The following RBFOX1 variants were observed in gnomAD, a reference collection of about 807,000 sequenced individuals.
RBFOX1 encodes RNA binding protein fox-1 homolog 1.
RBFOX1 carries 8 observed loss-of-function variants against 57.7 expected under a neutral mutation model. The observed-to-expected ratio is 0.14, with a 90% confidence interval of 0.08 to 0.25. The LOEUF is 0.25. RBFOX1 is among the 10% of genes least tolerant of loss of function. The pLI, the probability that RBFOX1 is intolerant of heterozygous loss-of-function variation, is 1.00. For missense variants in RBFOX1, 611 were observed against 548.5 expected (o/e 1.11, Z -1.14); for synonymous variants, 326 against 222.4 (o/e 1.47, Z -4.15).
chr16:7,510,284 A>G lies in RBFOX1; in HGVS notation c.28-7863A>G, dbSNP rs145205193. On this transcript the variant is annotated intron_variant, in intron 4 of 15. Transcript: ENST00000550418. ...ACAAGAACAGCTGCTAAGTTTATGG[A>G]GGAGAAAGGAAGCAGGATGGTGCAG... 1,092 of 985,860 alleles carry G rather than the reference A, an allele frequency of 1.1e-3. 2 individuals are homozygous for G. Among genetic ancestry groups the G allele is most frequent in the Middle Eastern group, 8.4e-3 (16 of 1,916 alleles). 61.1% of individuals were successfully genotyped at this position (985,860 alleles called of 1,614,324 possible).
At chr16:7,130,756 A>G (rs541637453) in intron 4 of RBFOX1, among the ~76,000 whole-genome samples, 92 of 152,292 alleles carry the variant, frequency 6.0e-4, no homozygotes, top group African/African-American at 2.1e-3. Context: ...TGCCTTTAAT[A>G]TCGTGCTTAA....
chr16:6,840,131 T>G (rs2093376953), intron 3 of RBFOX1, among the ~76,000 whole-genome samples: 1 of 152,190 alleles, frequency 6.6e-6, no homozygotes, highest in Non-Finnish European at 1.5e-5. Flanking sequence ...GGTGAGTTTA[T>G]TTTTTCATGG....
intron 3 of RBFOX1, among the ~76,000 whole-genome samples, chr16:5,705,275 A>G (rs1352260456): frequency 6.6e-6 from 1 of 151,866 alleles, no homozygotes; most frequent in African/African-American, 2.4e-5. Flanking sequence ...TTATTTTTTT[A>G]GTTTTAGACA....
At chr16:5,360,851 A>G (rs959518803) in intron 1 of RBFOX1, among the ~76,000 whole-genome samples, 2 of 152,168 alleles carry the variant, frequency 1.3e-5, no homozygotes, top group African/African-American at 2.4e-5. Context: ...TGAGGAGAGT[A>G]TGACTGACTG....
intron 2 of RBFOX1, among the ~76,000 whole-genome samples, chr16:5,585,834 G>A (rs545500391): frequency 2.6e-5 from 4 of 152,352 alleles, no homozygotes. Context: ...TTCGTGTGAA[G>A]TAGAACAAAA....
At position 7,188,045 on chromosome 16, in the gene RBFOX1, T is replaced by C. The variant is rs2084366014; in HGVS notation, c.27+135947T>C. ...TAGTGAGATTATAGGCCATTTTTAT[T>C]TCATTTTAACTTTTCTCTGTTTCTC... On this transcript the variant is annotated intron_variant, in intron 4 of 15. Coordinates refer to ENST00000550418, the MANE Select transcript of RBFOX1 (RefSeq NM_018723.4). Among the ~76,000 whole-genome samples, 3 of 152,236 alleles carry C rather than the reference T, an allele frequency of 2.0e-5. No homozygotes were observed. The South Asian group carries it at 6.2e-4, about 31-fold the overall frequency.
At chr16:6,699,718 A>G (rs1400638525) in intron 3 of RBFOX1, among the ~76,000 whole-genome samples, 2 of 152,176 alleles carry the variant, frequency 1.3e-5, no homozygotes, top group Non-Finnish European at 2.9e-5. Flanking sequence ...AAAATGAATG[A>G]TCAGGCATGG....
chr16:7,624,083 G>A (rs914003819), intron 10 of RBFOX1, among the ~76,000 whole-genome samples: 1 of 152,180 alleles, frequency 6.6e-6, no homozygotes, highest in Non-Finnish European at 1.5e-5. Context: ...TGGTTGGTAA[G>A]GTTTTTGGTA....
chr16:7,231,852 A>G (rs2093513261), intron 4 of RBFOX1, among the ~76,000 whole-genome samples: 1 of 152,208 alleles, frequency 6.6e-6, no homozygotes, highest in South Asian at 2.1e-4. Context: ...TGGAGTAGGT[A>G]AATCCACACC....
At chr16:7,047,383 A>G (rs1249467570) in intron 3 of RBFOX1, among the ~76,000 whole-genome samples, 1 of 151,596 alleles carries the variant, frequency 6.6e-6, no homozygotes, top group East Asian at 1.9e-4. Context: ...ACCTCTCTGG[A>G]TTTTTGTTTG....
intron 14 of RBFOX1, among the ~76,000 whole-genome samples, chr16:7,706,944 G>A (rs559641228): frequency 7.2e-4 from 110 of 152,194 alleles, no homozygotes; most frequent in African/African-American, 2.1e-3. Flanking sequence ...CCCTTGGACC[G>A]ATACCTGTTT....
intron 1 of RBFOX1, among the ~76,000 whole-genome samples, chr16:5,268,450 T>C (rs1169861174): frequency 1.3e-5 from 2 of 152,210 alleles, no homozygotes; most frequent in Non-Finnish European, 1.5e-5. Flanking sequence ...GTGGATAAAA[T>C]AAAAAATCTA....
At chr16:7,554,335 T>G (rs1941487929) in intron 5 of RBFOX1, among the ~76,000 whole-genome samples, 1 of 152,248 alleles carries the variant, frequency 6.6e-6, no homozygotes, top group Non-Finnish European at 1.5e-5. Context: ...TATTTTATCC[T>G]TACAGCAATC....
At chr16:5,980,821 C>T (rs1317897482) in intron 4 of RBFOX1, among the ~76,000 whole-genome samples, 1 of 151,818 alleles carries the variant, frequency 6.6e-6, no homozygotes, top group African/African-American at 2.4e-5. Flanking sequence ...CCAGAGGGAG[C>T]AGACCTCAGG....
chr16:6,626,436 A>T (rs2098308917), intron 2 of RBFOX1, among the ~76,000 whole-genome samples: 1 of 152,178 alleles, frequency 6.6e-6, no homozygotes, highest in African/African-American at 2.4e-5. Flanking sequence ...CCAAGGCAAA[A>T]ATAGATACAC....
intron 1 of RBFOX1, among the ~76,000 whole-genome samples, chr16:5,325,133 G>T (rs756241203): frequency 3.9e-5 from 6 of 152,108 alleles, no homozygotes; most frequent in African/African-American, 1.2e-4. Context: ...CTTAAGAAGC[G>T]CTGCTCTACA....
At chr16:7,184,213 A>G (rs894131893) in intron 4 of RBFOX1, among the ~76,000 whole-genome samples, 1 of 152,176 alleles carries the variant, frequency 6.6e-6, no homozygotes, top group Admixed American at 6.5e-5. Flanking sequence ...AAGGAAGTGG[A>G]GAGGCAGATC....
chr16:7,138,339 G>T (rs1485841623), intron 4 of RBFOX1, among the ~76,000 whole-genome samples: 1 of 152,206 alleles, frequency 6.6e-6, no homozygotes, highest in Non-Finnish European at 1.5e-5. Flanking sequence ...AAGGGTTTCA[G>T]TGTTAAACGG....
chr16:7,390,011 C>T (rs531601686), intron 4 of RBFOX1, among the ~76,000 whole-genome samples: 115 of 152,094 alleles, frequency 7.6e-4, no homozygotes, highest in Admixed American at 3.1e-3. Flanking sequence ...TCTGGGGAGG[C>T]CTCAGGAAAC....
Sources: gnomAD v4.1 joint callset for allele counts (sites outside exome capture counted in the v4.1 genomes callset) on GRCh38, gnomAD v4.1.1 for gene constraint, MANE v1.5 for transcripts, NCBI Gene and HGNC (gene_info 2026-07-23, HGNC 2026-07-21) for gene names.